LIPC: variants seen among roughly 807,000 people sequenced by gnomAD.
LIPC encodes the protein lipase C, hepatic type.
A neutral mutation model predicts 50.7 loss-of-function variants in LIPC; 44 were observed. The ratio of observed to expected loss-of-function variants is 0.87; its 90% CI spans 0.68 to 1.11. The LOEUF is 1.11. Ranked by LOEUF, LIPC falls within the 50% of genes most tolerant of loss-of-function variation. The pLI is 0.00. For synonymous variants in LIPC, 271 were observed against 256.4 expected (o/e 1.06, Z -0.54); for missense variants, 697 against 648.2 (o/e 1.08, Z -0.82).
chr15:58,453,607 T>G (rs1294733213), intron 1 of LIPC, among the ~76,000 whole-genome samples: 29 of 151,842 alleles, frequency 1.9e-4, no homozygotes, highest in Admixed American at 1.9e-3. Context: ...CATTACAGAG[T>G]GTGGGTTCCG....
intron 1 of LIPC, among the ~76,000 whole-genome samples, chr15:58,517,571 G>A (rs1892523365): frequency 6.6e-6 from 1 of 152,194 alleles, no homozygotes. Flanking sequence ...TTGCAGGGAT[G>A]TTTGAAGCCC....
chr15:58,431,991 A>G lies in LIPC; in HGVS notation c.-42A>G, dbSNP rs1298118788. On this transcript the variant is annotated 5_prime_UTR_variant, in exon 1 of 9. Transcript: ENST00000299022. ...TAGGCATTGTGGTCTCTTTGGCTTCAGAAATTACCAAGAAAGCCTGGACCC... is the reference window on the plus strand; with the variant it reads ...TAGGCATTGTGGTCTCTTTGGCTTCGGAAATTACCAAGAAAGCCTGGACCC... 1.4e-6 allele frequency: 2 copies of G among 1,442,616 alleles called. No homozygotes were observed. Among genetic ancestry groups the G allele is most frequent in the Non-Finnish European group, 2.0e-6 (2 of 1,023,378 alleles). 89.4% of individuals were successfully genotyped at this position (1,442,616 alleles called of 1,614,324 possible).
At chr15:58,485,969 C>T (rs1483328116) in intron 1 of LIPC, among the ~76,000 whole-genome samples, 3 of 152,210 alleles carry the variant, frequency 2.0e-5, no homozygotes, top group African/African-American at 7.2e-5. Flanking sequence ...CTCTAGAATT[C>T]ATCTAGTGAA....
At chr15:58,475,094 G>A (rs1408239409) in intron 1 of LIPC, among the ~76,000 whole-genome samples, 1 of 152,168 alleles carries the variant, frequency 6.6e-6, no homozygotes, top group African/African-American at 2.4e-5. Context: ...AAGTTACTGT[G>A]GGCTTCTCTC....
chr15:58,448,225 T>C (rs1198157463), intron 1 of LIPC, among the ~76,000 whole-genome samples: 1 of 152,212 alleles, frequency 6.6e-6, no homozygotes, highest in Non-Finnish European at 1.5e-5. Flanking sequence ...TGGACTAGGG[T>C]TGGGAGCTCT....
chr15:58,453,225 C>A (rs1233727140), intron 1 of LIPC, among the ~76,000 whole-genome samples: 1 of 152,184 alleles, frequency 6.6e-6, no homozygotes, highest in Non-Finnish European at 1.5e-5. Context: ...CGTTGCCACA[C>A]AGTCCCATAA....
At chr15:58,505,922 G>C (rs532832068) in intron 1 of LIPC, among the ~76,000 whole-genome samples, 20 of 152,088 alleles carry the variant, frequency 1.3e-4, no homozygotes, top group Admixed American at 2.0e-4. Flanking sequence ...CAGTACCCGC[G>C]AGCTCCCTCC....
intron 8 of LIPC, chr15:58,565,188 C>T (rs1330166041): frequency 1.3e-6 from 2 of 1,535,406 alleles, no homozygotes; most frequent in South Asian, 2.4e-5. Flanking sequence ...GATCTCCCAA[C>T]AGGATCAATC....
At chr15:58,444,554 G>A (rs1595852066) in intron 1 of LIPC, among the ~76,000 whole-genome samples, 1 of 152,212 alleles carries the variant, frequency 6.6e-6, no homozygotes, top group African/African-American at 2.4e-5. Context: ...GGGTCAGCAG[G>A]GTGGGTTTCT....
chr15:58,447,013 T>C (rs1210705467), intron 1 of LIPC, among the ~76,000 whole-genome samples: 1 of 151,588 alleles, frequency 6.6e-6, no homozygotes, highest in Non-Finnish European at 1.5e-5. Flanking sequence ...CCAGGTGTGG[T>C]GGTACGTGCC....
chr15:58,500,797 A>G (rs1241328114), intron 1 of LIPC, among the ~76,000 whole-genome samples: 1 of 122,846 alleles, frequency 8.1e-6, no homozygotes, highest in Admixed American at 1.1e-4. Context: ...TTTAGATTTG[A>G]TATCTCTTCT....
At chr15:58,464,406 T>C (rs1329458775) in intron 1 of LIPC, among the ~76,000 whole-genome samples, 2 of 152,142 alleles carry the variant, frequency 1.3e-5, no homozygotes, top group East Asian at 3.8e-4. Flanking sequence ...CACAACAGAG[T>C]TCAACAGAGC....
At chr15:58,526,185 GTCTGCA>G (rs1404058135) in intron 1 of LIPC, among the ~76,000 whole-genome samples, 3 of 152,212 alleles carry the variant, frequency 2.0e-5, no homozygotes, top group African/African-American at 7.2e-5. Flanking sequence ...GCACCCAGGA[GTCTGCA>G]TCTCCAGCAC....
intron 1 of LIPC, among the ~76,000 whole-genome samples, chr15:58,437,178 C>G (rs1225558346): frequency 6.6e-6 from 1 of 152,182 alleles, no homozygotes; most frequent in African/African-American, 2.4e-5. Context: ...CACCAGGGAT[C>G]TTAGCACAGA....
At chr15:58,432,167 T>A (rs933615635) in intron 1 of LIPC, 47 bp downstream of exon 1, 1 of 1,358,156 alleles carries the variant, frequency 7.4e-7, no homozygotes, top group Non-Finnish European at 1.1e-6. Flanking sequence ...CTTTTCTTTT[T>A]AAAACGTGTG....
intron 1 of LIPC, among the ~76,000 whole-genome samples, chr15:58,504,685 C>A (rs1435462614): frequency 1.3e-5 from 2 of 152,150 alleles, no homozygotes; most frequent in Non-Finnish European, 2.9e-5. Flanking sequence ...TCAAATGTAT[C>A]AGAAGAAAGG....
At chr15:58,489,549 G>T (rs1891509686) in intron 1 of LIPC, among the ~76,000 whole-genome samples, 1 of 152,088 alleles carries the variant, frequency 6.6e-6, no homozygotes, top group African/African-American at 2.4e-5. Context: ...CTGGGTGGGG[G>T]CCCCAAGACT....
rs762723316 is a variant in LIPC at position 58,523,866 on chromosome 15, T to C, written c.89-14467T>C. Among the ~76,000 whole-genome samples, 78 of 151,612 alleles carry C rather than the reference T, an allele frequency of 5.1e-4. 1 individual carries two copies. In the Middle Eastern group the frequency reaches 0.014, roughly 26 times the overall value. On this transcript the variant is annotated intron_variant, in intron 1 of 8. Coordinates refer to ENST00000299022, the MANE Select transcript of LIPC (RefSeq NM_000236.3). Reference sequence around the variant, plus strand: ...GGGAGGATCGCTTGAGCCCAAGAGGTCAAGGCTGCAGTGAGCTACGATCAC... The same window carrying C: ...GGGAGGATCGCTTGAGCCCAAGAGGCCAAGGCTGCAGTGAGCTACGATCAC...
chr15:58,548,315 T>C lies in LIPC; in HGVS notation c.809-15T>C, dbSNP rs757817039. 23 of 1,613,864 alleles carry C rather than the reference T, an allele frequency of 1.4e-5. No homozygotes were observed. In the East Asian group the frequency reaches 5.1e-4, roughly 36 times the overall value. On this transcript the variant is annotated splice_polypyrimidine_tract_variant and intron_variant, in intron 5 of 8. Coordinates refer to ENST00000299022, the MANE Select transcript of LIPC (RefSeq NM_000236.3). Reference sequence around the variant, plus strand: ...GGTTAAGGGGTGATAACGTCCTTCTTGCCCTGTGTTCCAGCCATCACCCAG... The same window carrying C: ...GGTTAAGGGGTGATAACGTCCTTCTCGCCCTGTGTTCCAGCCATCACCCAG...
Sources: gnomAD v4.1 joint callset for allele counts (sites outside exome capture counted in the v4.1 genomes callset) on GRCh38, gnomAD v4.1.1 for gene constraint, MANE v1.5 for transcripts, NCBI Gene and HGNC (gene_info 2026-07-23, HGNC 2026-07-21) for gene names.